GPATCH2: variants seen among roughly 807,000 people sequenced by gnomAD.
GPATCH2 encodes G patch domain-containing protein 2.
A neutral mutation model predicts 58.0 loss-of-function variants in GPATCH2; 51 were observed. The observed-to-expected ratio is 0.88, with a 90% CI of 0.70 to 1.11. The LOEUF is 1.11. Among genes scored for constraint, GPATCH2 ranks in the 50% most tolerant of loss-of-function variants. GPATCH2 has a pLI of 0.00. For synonymous variants in GPATCH2, 222 were observed against 218.5 expected (o/e 1.02, Z -0.14); for missense variants, 625 against 652.2 (o/e 0.96, Z 0.45).
chr1:217,443,065 C>T (rs1012691999), intron 9 of GPATCH2, among the ~76,000 whole-genome samples: 1 of 152,162 alleles, frequency 6.6e-6, no homozygotes, highest in African/African-American at 2.4e-5. Context: ...CTTACTTTTA[C>T]ACATCCAAAT....
rs949429338 is a variant in GPATCH2, at chr1:217,610,415, T to G, written c.1019-15A>C. 5.4e-6 allele frequency: 8 copies of G among 1,474,154 alleles called. No homozygotes were observed. Among genetic ancestry groups the G allele is most frequent in the Non-Finnish European group, 7.6e-6 (8 of 1,058,184 alleles). The allele number at this position is 1,474,154 out of a possible 1,614,324, so 91.3% of individuals were successfully genotyped here. A position where few individuals can be genotyped will look rare whatever the true frequency, so the allele number is the denominator to read the frequency against. On this transcript the variant is annotated splice_polypyrimidine_tract_variant and intron_variant, in intron 4 of 9. Transcript: ENST00000366935. ...AGCTTGGAAACCTGTAAAATCAAAG[T>G]ACTCAATTTAGAAGTTTTCTATGAT...
chr1:217,554,548 C>G (rs1462003426), intron 5 of GPATCH2, among the ~76,000 whole-genome samples: 3 of 152,120 alleles, frequency 2.0e-5, no homozygotes, highest in Non-Finnish European at 4.4e-5. Context: ...TTGTTATTAT[C>G]ACAAATGCTG....
chr1:217,629,619 G>A (rs1361581462), intron 1 of GPATCH2, among the ~76,000 whole-genome samples: 4 of 152,130 alleles, frequency 2.6e-5, no homozygotes, highest in Non-Finnish European at 4.4e-5. Flanking sequence ...AGGGAACTGT[G>A]GGGTGATGGA....
chr1:217,626,940 T>G (rs1398176603), intron 1 of GPATCH2, among the ~76,000 whole-genome samples: 4 of 151,892 alleles, frequency 2.6e-5, no homozygotes, highest in Admixed American at 2.6e-4. Flanking sequence ...TAATTACAAC[T>G]TTACATTAAT....
intron 5 of GPATCH2, among the ~76,000 whole-genome samples, chr1:217,592,295 A>G (rs1485969717): frequency 6.6e-6 from 1 of 152,026 alleles, no homozygotes; most frequent in Non-Finnish European, 1.5e-5. Context: ...TAGAATTTTA[A>G]TTGGTATAAC....
Position 217,430,463 on chromosome 1 carries a change from A to G in GPATCH2, c.*682T>C, listed in dbSNP as rs916397322. 6.6e-6 allele frequency: 1 copy of G among 152,216 alleles called. No homozygotes were observed. Among genetic ancestry groups the G allele is most frequent in the Non-Finnish European group, 1.5e-5 (1 of 68,028 alleles). The allele number at this position is 152,216 out of a possible 1,614,324, so 9.4% of individuals were successfully genotyped here. On this transcript the variant is annotated 3_prime_UTR_variant, in exon 10 of 10. Transcript: ENST00000366935. ...TTCTAAATGAGGTAAAATTTATAAA[A>G]TCTGCATTAAAGTAAGGTAGAGGGC...
chr1:217,485,466 T>C (rs867939996), intron 8 of GPATCH2, among the ~76,000 whole-genome samples: 1 of 152,156 alleles, frequency 6.6e-6, no homozygotes, highest in Admixed American at 6.5e-5. Flanking sequence ...TATCTTTTTT[T>C]TTTTTTTTTG....
At chr1:217,604,089 G>A (rs948207862) in intron 5 of GPATCH2, among the ~76,000 whole-genome samples, 9 of 151,914 alleles carry the variant, frequency 5.9e-5, no homozygotes, top group Non-Finnish European at 8.8e-5. Context: ...AGTGGCTCAC[G>A]ACTGTAATCC....
rs1658384210 is a variant in GPATCH2 at position 217,427,642 on chromosome 1, G to A, written c.*3503C>T. 6.6e-6 allele frequency: 1 copy of A among 151,920 alleles called. No individual in the cohort carries two copies. The highest frequency in any genetic ancestry group is 1.5e-5 in the Non-Finnish European group (1 of 67,952). 9.4% of individuals were successfully genotyped at this position (151,920 alleles called of 1,614,324 possible). Reference sequence around the variant, plus strand: ...TCTTTGCTAACAATTTCTTTACAATGCCAACTTAGATCACTTTTCTTTTTG... The same window carrying A: ...TCTTTGCTAACAATTTCTTTACAATACCAACTTAGATCACTTTTCTTTTTG... On this transcript the variant is annotated 3_prime_UTR_variant, in exon 10 of 10. Coordinates refer to ENST00000366935, the MANE Select transcript of GPATCH2 (RefSeq NM_018040.5).
intron 1 of GPATCH2, among the ~76,000 whole-genome samples, chr1:217,630,604 T>C (rs1213165285): frequency 6.6e-6 from 1 of 152,170 alleles, no homozygotes; most frequent in Non-Finnish European, 1.5e-5. Flanking sequence ...TTAAGATAAA[T>C]TCTTCCTGTC....
chr1:217,478,018 C>T (rs1661042745), intron 8 of GPATCH2, among the ~76,000 whole-genome samples: 1 of 152,150 alleles, frequency 6.6e-6, no homozygotes, highest in South Asian at 2.1e-4. Flanking sequence ...CCTGGTAATC[C>T]AGATAATTCT....
chr1:217,565,970 A>G (rs913255404), intron 5 of GPATCH2, among the ~76,000 whole-genome samples: 2 of 151,882 alleles, frequency 1.3e-5, no homozygotes, highest in African/African-American at 2.4e-5. Flanking sequence ...GTGTGGTGGC[A>G]CATGCCTGTA....
chr1:217,608,517 A>T, intron 5 of GPATCH2: 1 of 985,040 alleles, frequency 1.0e-6, no homozygotes, highest in Non-Finnish European at 1.2e-6. Context: ...GCTTCTATAA[A>T]ATACCACAGT....
In GPATCH2 at chr1:217,620,010, G is replaced by A. The variant is rs1224329374; in HGVS notation, c.546C>T (p.Thr182=). The change falls in exon 2 of 10, where the codon ACC becomes ACT. Residue 182 remains threonine (T), a synonymous_variant. Coordinates refer to ENST00000366935, the MANE Select transcript of GPATCH2 (RefSeq NM_018040.5). ...PQDISNKRTM[T]QPPEGCRDQD... The stretch of plus-strand genomic sequence containing the variant: ...GATCTCTACAACCCTCAGGTGGCTG[G>A]GTCATTGTCCGTTTGTTAGAGATGT... The A allele has an allele frequency of 1.2e-6, 2 of 1,613,816 alleles. No individual in the cohort carries two copies. Among genetic ancestry groups the A allele is most frequent in the Admixed American group, 3.3e-5 (2 of 59,988 alleles).
chr1:217,468,784 A>T (rs930828025), intron 8 of GPATCH2, among the ~76,000 whole-genome samples: 1 of 152,028 alleles, frequency 6.6e-6, no homozygotes, highest in Non-Finnish European at 1.5e-5. Context: ...TTAGAGAAAC[A>T]CACTGATGTA....
intron 6 of GPATCH2, among the ~76,000 whole-genome samples, chr1:217,514,125 C>G (rs1571839444): frequency 6.8e-6 from 1 of 147,594 alleles, no homozygotes; most frequent in Non-Finnish European, 1.5e-5. Context: ...CCATGCCTGG[C>G]CCCCCCGCAA....
At position 217,619,771 on chromosome 1, in the gene GPATCH2, T is replaced by C. The variant is rs374284570; in HGVS notation, c.773+12A>G. The C allele has an allele frequency of 8.4e-7, 1 of 1,194,268 alleles. No individual in the cohort carries two copies. The highest frequency in any genetic ancestry group is 1.2e-6 in the Non-Finnish European group (1 of 848,894). 74.0% of individuals were successfully genotyped at this position (1,194,268 alleles called of 1,614,324 possible). A position where few individuals can be genotyped will look rare whatever the true frequency, so the allele number is the denominator to read the frequency against. The stretch of plus-strand genomic sequence containing the variant: ...GATAAATATTTTTATATTTAGAGAA[T>C]ATAAAAGTCACCTTTCACTCATGAG... On this transcript the variant is annotated intron_variant, in intron 2 of 9. Coordinates refer to ENST00000366935, the MANE Select transcript of GPATCH2 (RefSeq NM_018040.5).
At chr1:217,439,014 A>G (rs767582892) in intron 9 of GPATCH2, among the ~76,000 whole-genome samples, 1 of 152,228 alleles carries the variant, frequency 6.6e-6, no homozygotes, top group South Asian at 2.1e-4. Flanking sequence ...CTCTGGTCCA[A>G]GCAGACCTAA....
chr1:217,433,630 A>G (rs888186608), intron 9 of GPATCH2, among the ~76,000 whole-genome samples: 3 of 152,116 alleles, frequency 2.0e-5, no homozygotes, highest in African/African-American at 7.2e-5. Flanking sequence ...TCCTCACCTC[A>G]GGTGATCCAC....
Sources: gnomAD v4.1 joint callset for allele counts (sites outside exome capture counted in the v4.1 genomes callset) on GRCh38, gnomAD v4.1.1 for gene constraint, MANE v1.5 for transcripts, NCBI Gene and HGNC (gene_info 2026-07-23, HGNC 2026-07-21) for gene names.